PRICKLE1: variants seen among roughly 807,000 people sequenced by gnomAD.
PRICKLE1 encodes the protein prickle planar cell polarity protein 1, also known as prickle-like protein 1.
In PRICKLE1, 14 loss-of-function variants were observed where a neutral mutation model predicts 70.2. That is an observed-to-expected ratio of 0.20 (90% CI 0.13 to 0.31). PRICKLE1 has a LOEUF of 0.31. Among genes scored for constraint, PRICKLE1 ranks in the 10% least tolerant of loss-of-function variants. The pLI, the probability that PRICKLE1 is intolerant of heterozygous loss-of-function variation, is 1.00. For missense variants in PRICKLE1, 821 were observed against 1,026.2 expected, an observed-to-expected ratio of 0.80 and a Z score of 2.73; for synonymous variants, 357 against 379.9, an observed-to-expected ratio of 0.94 and a Z score of 0.70.
At chr12:42,538,562 T>C (rs1940053518) in intron 1 of PRICKLE1, among the ~76,000 whole-genome samples, 1 of 152,206 alleles carries the variant, frequency 6.6e-6, no homozygotes, top group South Asian at 2.1e-4. Context: ...AGAGGATCAC[T>C]CCATGTCCCG....
chr12:42,460,796 GA>G (rs1937800269), intron 7 of PRICKLE1, 131 bp from the exon 8 acceptor site: 1 of 1,047,640 alleles, frequency 9.5e-7, no homozygotes, highest in African/African-American at 1.6e-5. Context: ...AACCCATAGG[GA>G]AAGCCAACAT....
At chr12:42,490,641 A>T (rs1278838079) in intron 1 of PRICKLE1, among the ~76,000 whole-genome samples, 2 of 152,120 alleles carry the variant, frequency 1.3e-5, no homozygotes, top group Non-Finnish European at 2.9e-5. Flanking sequence ...CAGGGTGGAT[A>T]AACTGGACTT....
At chr12:42,496,094 G>T (rs1281827496) in intron 1 of PRICKLE1, among the ~76,000 whole-genome samples, 1 of 152,206 alleles carries the variant, frequency 6.6e-6, no homozygotes, top group African/African-American at 2.4e-5. Flanking sequence ...ATAGCCTTAA[G>T]AAATGTATTT....
At chr12:42,467,387 T>C (rs1938138508) in intron 5 of PRICKLE1, among the ~76,000 whole-genome samples, 1 of 152,100 alleles carries the variant, frequency 6.6e-6, no homozygotes, top group African/African-American at 2.4e-5. Context: ...AGTGCTGGGA[T>C]TACAGGCGTG....
rs1432848178 is a variant in PRICKLE1, at chr12:42,459,577, C to T, written c.*232G>A. ...GCTACGTCCATCTGTAACGCACCCG[C>T]ACCGGACAGGCACGAGATGTCACGT... On this transcript the variant is annotated 3_prime_UTR_variant, in exon 8 of 8. Coordinates refer to ENST00000345127, the MANE Select transcript of PRICKLE1 (RefSeq NM_153026.3). The T allele has an allele frequency of 4.8e-6, 3 of 629,816 alleles. No individual in the cohort carries two copies. The highest frequency in any genetic ancestry group is 8.4e-6 in the Non-Finnish European group (3 of 357,594). 39.0% of individuals were successfully genotyped at this position (629,816 alleles called of 1,614,324 possible).
intron 1 of PRICKLE1, among the ~76,000 whole-genome samples, chr12:42,566,509 T>G (rs1364440872): frequency 6.6e-6 from 1 of 152,176 alleles, no homozygotes; most frequent in Non-Finnish European, 1.5e-5. Context: ...TAAGAACATC[T>G]GCATTCTCTG....
intron 1 of PRICKLE1, among the ~76,000 whole-genome samples, chr12:42,522,728 C>A (rs1385577283): frequency 6.6e-6 from 1 of 151,998 alleles, no homozygotes; most frequent in Non-Finnish European, 1.5e-5. Flanking sequence ...GGTGGCTAGA[C>A]AAAGTTTTGT....
rs111556810 is a variant in PRICKLE1, at chr12:42,485,190, T to C, written c.-48-12626A>G. Among the ~76,000 whole-genome samples, 706 of 149,264 alleles carry C rather than the reference T, an allele frequency of 4.7e-3. 3 individuals are homozygous for C. The highest frequency in any genetic ancestry group is 0.021 in the Middle Eastern group (6 of 284). The stretch of plus-strand genomic sequence containing the variant: ...TAAATAGATCAGTCAAGTAAATCAC[T>C]CTGTGGCCAAATTCTGTTATCTCAG... On this transcript the variant is annotated intron_variant, in intron 1 of 7. Coordinates refer to ENST00000345127, the MANE Select transcript of PRICKLE1 (RefSeq NM_153026.3).
chr12:42,566,364 T>A (rs1461848749), intron 1 of PRICKLE1, among the ~76,000 whole-genome samples: 1 of 151,886 alleles, frequency 6.6e-6, no homozygotes, highest in African/African-American at 2.4e-5. Context: ...GCTACTAACC[T>A]AGAAGGATAC....
At chr12:42,523,978 G>T (rs1242729181) in intron 1 of PRICKLE1, among the ~76,000 whole-genome samples, 1 of 152,210 alleles carries the variant, frequency 6.6e-6, no homozygotes, top group Non-Finnish European at 1.5e-5. Flanking sequence ...ATTCATTTAT[G>T]ACCCTAAACA....
intron 1 of PRICKLE1, among the ~76,000 whole-genome samples, chr12:42,505,315 T>C (rs1939390167): frequency 6.6e-6 from 1 of 152,244 alleles, no homozygotes; most frequent in South Asian, 2.1e-4. Context: ...GGAACAGTTT[T>C]GTCCTCCACA....
At chr12:42,489,368 C>A (rs1163440447) in intron 1 of PRICKLE1, among the ~76,000 whole-genome samples, 7 of 151,162 alleles carry the variant, frequency 4.6e-5, no homozygotes, top group Admixed American at 4.6e-4. Context: ...AATTAACATT[C>A]CAAATTTAAG....
At chr12:42,509,297 G>A (rs1034862024) in intron 1 of PRICKLE1, among the ~76,000 whole-genome samples, 4 of 152,178 alleles carry the variant, frequency 2.6e-5, no homozygotes, top group Admixed American at 2.0e-4. Flanking sequence ...GCCTAGAGAC[G>A]CATTTAGGCT....
chr12:42,477,440 G>A (rs12368590), intron 1 of PRICKLE1, among the ~76,000 whole-genome samples: 1 of 103,400 alleles, frequency 9.7e-6, no homozygotes, highest in Non-Finnish European at 2.0e-5. Context: ...ATGTATATAT[G>A]TGTATATATG....
intron 1 of PRICKLE1, chr12:42,489,794 T>C (rs1218554082): frequency 6.6e-6 from 1 of 152,100 alleles, no homozygotes; most frequent in East Asian, 1.9e-4. Context: ...CTCTGCTGCA[T>C]TTACTTATAA....
rs527450156 is a variant in PRICKLE1, at chr12:42,531,377, T to A, written c.-49+58088A>T. Among the ~76,000 whole-genome samples the A allele has an allele frequency of 2.0e-5, 3 of 152,278 alleles. No homozygotes were observed. In the East Asian group the frequency reaches 5.8e-4, roughly 29 times the overall value. ...TTGTTTTTATTGTACAATAATAGTG[T>A]TAAAATGTTAGGTTATACATTCACA... On this transcript the variant is annotated intron_variant, in intron 1 of 7. Transcript: ENST00000345127.
At chr12:42,490,631 C>T (rs1359534218) in intron 1 of PRICKLE1, among the ~76,000 whole-genome samples, 1 of 152,136 alleles carries the variant, frequency 6.6e-6, no homozygotes, top group African/African-American at 2.4e-5. Context: ...CGTGATTTCT[C>T]AGGGTGGATA....
At position 42,459,830 on chromosome 12, in the gene PRICKLE1, GCCCTTGTGT is replaced by G. The variant is rs1354765905; in HGVS notation, c.2466_2474del (p.His823_Gly825del). On this transcript the variant is annotated inframe_deletion, in exon 8 of 8. Coordinates refer to ENST00000345127, the MANE Select transcript of PRICKLE1 (RefSeq NM_153026.3). ...TTGGTTAAGAAATAATACAATTTTT[GCCCTTGTGT>G]CCCTTTTTCTTCTTGGATTTTGTTG... is the stretch of plus-strand genomic sequence containing the variant. The G allele has an allele frequency of 6.2e-6, 10 of 1,614,078 alleles. No individual in the cohort carries two copies. In the South Asian group the frequency reaches 1.1e-4, roughly 18 times the overall value.
chr12:42,494,080 G>A (rs956417794), intron 1 of PRICKLE1, among the ~76,000 whole-genome samples: 2 of 152,096 alleles, frequency 1.3e-5, no homozygotes, highest in Non-Finnish European at 2.9e-5. Context: ...AAAAAACAAT[G>A]TACATACCTT....
Sources: gnomAD v4.1 joint callset for allele counts (sites outside exome capture counted in the v4.1 genomes callset) on GRCh38, gnomAD v4.1.1 for gene constraint, MANE v1.5 for transcripts, NCBI Gene and HGNC (gene_info 2026-07-23, HGNC 2026-07-21) for gene names.